TANC2: variants seen among roughly 807,000 people sequenced by gnomAD.
TANC2 encodes the protein protein TANC2.
Under a neutral mutation model 210.5 loss-of-function variants are expected in TANC2, and 26 were observed. That is an observed-to-expected ratio of 0.12 (90% CI 0.09 to 0.17). The LOEUF (loss-of-function observed/expected upper bound fraction) is 0.17. Ranked by LOEUF, TANC2 falls within the 10% of genes least tolerant of loss-of-function variation. The pLI is 1.00. For synonymous variants in TANC2, 931 were observed against 967.1 expected, an observed-to-expected ratio of 0.96 and a Z score of 0.69; for missense variants, 2,129 against 2,608.9, an observed-to-expected ratio of 0.82 and a Z score of 4.01.
intron 19 of TANC2, among the ~76,000 whole-genome samples, chr17:63,404,238 T>C (rs1286123116): frequency 1.3e-5 from 2 of 152,184 alleles, no homozygotes; most frequent in African/African-American, 4.8e-5. Flanking sequence ...TGAGAGCCCA[T>C]GGTTAAATGA....
intron 5 of TANC2, among the ~76,000 whole-genome samples, chr17:63,171,189 TC>T (rs377012449): frequency 3.8e-4 from 56 of 147,756 alleles, no homozygotes; most frequent in African/African-American, 1.3e-3. Context: ...GTTCAAGCAG[TC>T]CCCTGCCTCA....
chr17:63,263,652 G>A (rs1481478640), intron 8 of TANC2, among the ~76,000 whole-genome samples: 2 of 152,172 alleles, frequency 1.3e-5, no homozygotes, highest in African/African-American at 4.8e-5. Flanking sequence ...GAACAGGAAA[G>A]AATTTTCCTC....
intron 4 of TANC2, among the ~76,000 whole-genome samples, chr17:63,123,086 G>T (rs549165181): frequency 1.3e-5 from 2 of 152,182 alleles, no homozygotes; most frequent in Admixed American, 1.3e-4. Flanking sequence ...GATTTTGGAG[G>T]AATAAGCAGA....
chr17:63,187,410 G>T (rs879588371), intron 5 of TANC2, among the ~76,000 whole-genome samples: 7 of 152,124 alleles, frequency 4.6e-5, no homozygotes, highest in Non-Finnish European at 4.4e-5. Flanking sequence ...ATAGTACCTG[G>T]CATGTGCAAT....
intron 9 of TANC2, among the ~76,000 whole-genome samples, chr17:63,274,818 T>C (rs934329425): frequency 6.6e-6 from 1 of 152,086 alleles, no homozygotes; most frequent in Non-Finnish European, 1.5e-5. Context: ...AAAAATTGTT[T>C]TAATTATTTT....
chr17:63,109,985 C>T (rs936612769), intron 4 of TANC2, among the ~76,000 whole-genome samples: 1 of 151,734 alleles, frequency 6.6e-6, no homozygotes, highest in Non-Finnish European at 1.5e-5. Context: ...TATTTACAGC[C>T]TGTCTGATAC....
intron 15 of TANC2, 48 bp from the exon 16 acceptor site, chr17:63,388,587 C>G (rs1166337179): frequency 6.4e-7 from 1 of 1,554,156 alleles, no homozygotes; most frequent in Non-Finnish European, 8.7e-7. Flanking sequence ...ACTGATGCTA[C>G]TTTTTTTTGC....
chr17:63,184,065 G>C (rs1217996726), intron 5 of TANC2, among the ~76,000 whole-genome samples: 1 of 151,542 alleles, frequency 6.6e-6, no homozygotes, highest in Non-Finnish European at 1.5e-5. Flanking sequence ...TTCCTGAGTG[G>C]GAAAAAATAG....
chr17:63,060,145 G>A (rs538263392), intron 2 of TANC2, among the ~76,000 whole-genome samples: 9 of 152,230 alleles, frequency 5.9e-5, no homozygotes, highest in South Asian at 2.1e-4. Context: ...ATAATTACTC[G>A]CTTGCTTTAT....
At chr17:63,121,686 A>G (rs999998997) in intron 4 of TANC2, among the ~76,000 whole-genome samples, 2 of 152,210 alleles carry the variant, frequency 1.3e-5, no homozygotes, top group Non-Finnish European at 2.9e-5. Flanking sequence ...TCAGGAAAAT[A>G]TACTACATTT....
intron 8 of TANC2, among the ~76,000 whole-genome samples, chr17:63,240,113 C>G (rs968377667): frequency 1.3e-5 from 2 of 152,148 alleles, no homozygotes; most frequent in African/African-American, 4.8e-5. Context: ...AAGTTCCAGG[C>G]AAGCCTGAGT....
At chr17:63,399,552 T>C (rs530843603) in intron 19 of TANC2, among the ~76,000 whole-genome samples, 7 of 152,334 alleles carry the variant, frequency 4.6e-5, no homozygotes, top group Non-Finnish European at 1.0e-4. Context: ...TTGTCTTCCC[T>C]CCAAGTCTAA....
chr17:63,012,827 A>G (rs946575472), intron 2 of TANC2, among the ~76,000 whole-genome samples: 2 of 151,964 alleles, frequency 1.3e-5, no homozygotes, highest in Admixed American at 1.3e-4. Flanking sequence ...AATTAAAAAA[A>G]TGTTTTTGTA....
At chr17:63,158,471 A>G (rs187664120) in intron 5 of TANC2, among the ~76,000 whole-genome samples, 1 of 152,354 alleles carries the variant, frequency 6.6e-6, no homozygotes, top group Non-Finnish European at 1.5e-5. Context: ...CAAAGAAGGG[A>G]CAGAAAGGTA....
chr17:63,126,745 G>T (rs1336930540), intron 4 of TANC2, among the ~76,000 whole-genome samples: 1 of 152,086 alleles, frequency 6.6e-6, no homozygotes, highest in Non-Finnish European at 1.5e-5. Context: ...TTGAAAATTT[G>T]TGACTCACTG....
Position 63,421,477 on chromosome 17 carries a change from G to T in TANC2, c.5747G>T (p.Gly1916Val), listed in dbSNP as rs1023719647. The change falls in exon 28 of 28, where the codon GGT becomes GTT. Residue 1916 changes from glycine (G) to valine (V), a missense_variant. Physicochemically the swap from Gly to Val is moderately radical, Grantham distance 109. Transcript: ENST00000689528. This position sits in a 1 kb window ranked among gnomAD's most constrained non-coding sequence, Gnocchi z 6.9. The stretch of plus-strand genomic sequence containing the variant: ...TCGCCAGTGTCTCCAACTCAAGGAG[G>T]TTACCCCAGTGAGCCCACCCGATCC... 1.9e-6 allele frequency: 3 copies of T among 1,613,978 alleles called. No individual in the cohort carries two copies. The highest frequency in any genetic ancestry group is 2.5e-6 in the Non-Finnish European group (3 of 1,179,900).
intron 6 of TANC2, chr17:63,197,761 C>T (rs947284640): frequency 5.9e-5 from 9 of 152,098 alleles, no homozygotes; most frequent in African/African-American, 2.2e-4. Context: ...TTCTGGAGAA[C>T]ATTAAGGGCA....
chr17:63,328,071 A>T (rs2045708143), intron 11 of TANC2, among the ~76,000 whole-genome samples: 1 of 152,232 alleles, frequency 6.6e-6, no homozygotes, highest in Non-Finnish European at 1.5e-5. Flanking sequence ...CATCATGCTT[A>T]GCAAATTGAT....
intron 8 of TANC2, among the ~76,000 whole-genome samples, chr17:63,256,639 G>A (rs926292057): frequency 3.9e-5 from 6 of 152,178 alleles, no homozygotes; most frequent in African/African-American, 1.4e-4. Flanking sequence ...TAAGTCGAAT[G>A]TTTCTTTTGA....
Sources: allele counts gnomAD v4.1 joint callset (sites outside exome capture counted in the v4.1 genomes callset), GRCh38; gene constraint gnomAD v4.1.1; non-coding constraint Gnocchi (gnomAD v3.1); transcripts MANE v1.5; gene names NCBI Gene and HGNC (gene_info 2026-07-23, HGNC 2026-07-21).